Variants in TCTN1 observed in about 807,000 individuals in gnomAD.
TCTN1 encodes tectonic-1.
A neutral mutation model predicts 65.8 loss-of-function variants in TCTN1; 58 were observed. The observed-to-expected ratio is 0.88, with a 90% CI of 0.71 to 1.10. TCTN1 has a LOEUF of 1.10. Ranked by LOEUF, TCTN1 falls within the 50% of genes least tolerant of loss-of-function variation. TCTN1 has a pLI of 0.00. For missense variants in TCTN1, 645 were observed against 719.4 expected (o/e 0.90, Z 1.18); for synonymous variants, 273 against 289.1 (o/e 0.94, Z 0.57).
intron 5 of TCTN1, among the ~76,000 whole-genome samples, chr12:110,633,786 A>G (rs1030302395): frequency 6.6e-6 from 1 of 152,242 alleles, no homozygotes; most frequent in Admixed American, 6.5e-5. Context: ...GTCCACCTAC[A>G]TAGCTGGTGA....
chr12:110,628,052 C>T (rs2065972299), intron 3 of TCTN1: 1 of 1,535,710 alleles, frequency 6.5e-7, no homozygotes, highest in Admixed American at 2.0e-5. Context: ...CTGTACACAG[C>T]ACATTTTACT....
chr12:110,634,124 T>A (rs2066404042), intron 5 of TCTN1, among the ~76,000 whole-genome samples: 1 of 152,186 alleles, frequency 6.6e-6, no homozygotes, highest in Admixed American at 6.5e-5. Context: ...CAGAATAGTG[T>A]ATATATTGTA....
At chr12:110,618,613 G>A (rs894722090) in intron 1 of TCTN1, among the ~76,000 whole-genome samples, 4 of 151,936 alleles carry the variant, frequency 2.6e-5, no homozygotes, top group Non-Finnish European at 5.9e-5. Context: ...GACCTCAAGT[G>A]ATCTGCCCGC....
rs2067654246 is a variant in TCTN1, at chr12:110,649,086, A to G, written c.*45A>G. ...TTCCTTAATATACACGTGAAATTTGAAAACTGTACATTCGGTGAGATTAAA... is the reference window on the plus strand; with the variant it reads ...TTCCTTAATATACACGTGAAATTTGGAAACTGTACATTCGGTGAGATTAAA... On this transcript the variant is annotated 3_prime_UTR_variant, in exon 15 of 15. Transcript: ENST00000397659. 1.7e-6 allele frequency: 1 copy of G among 601,662 alleles called. No individual in the cohort carries two copies. Among genetic ancestry groups the G allele is most frequent in the Non-Finnish European group, 3.1e-6 (1 of 322,138 alleles). The allele number at this position is 601,662 out of a possible 1,614,324, so 37.3% of individuals were successfully genotyped here.
At chr12:110,634,546 A>G in intron 5 of TCTN1, 124 bp from the exon 6 acceptor site, 3 of 763,498 alleles carry the variant, frequency 3.9e-6, no homozygotes, top group Non-Finnish European at 6.5e-6. Context: ...ACAAAATTGT[A>G]TATCTGTGTT....
chr12:110,648,307 C>A (rs779792425), intron 14 of TCTN1, among the ~76,000 whole-genome samples: 1 of 152,174 alleles, frequency 6.6e-6, no homozygotes, highest in Non-Finnish European at 1.5e-5. Context: ...GCCTCCAAAC[C>A]AGCACACTGC....
Position 110,647,791 on chromosome 12 carries a change from G to A in TCTN1, c.1678G>A (p.Val560Ile). The change falls in exon 14 of 15, where the codon GTT becomes ATT. Residue 560 changes from valine (V) to isoleucine (I), a missense_variant. Val to Ile is a conservative substitution (Grantham distance 29). Coordinates refer to ENST00000397659, the MANE Select transcript of TCTN1 (RefSeq NM_001082538.3). ...AAGGACGATTCTTATTTCCACTGCG[G>A]TTACTTTTGTGGATGTGTCTGCACC... ...NERTILISTA[V>I]TFVDVSAPAE... The A allele has an allele frequency of 6.2e-7, 1 of 1,614,182 alleles. No homozygotes were observed. The highest frequency in any genetic ancestry group is 8.5e-7 in the Non-Finnish European group (1 of 1,180,042).
intron 7 of TCTN1, 112 bp downstream of exon 7, chr12:110,636,613 T>C (rs1342113702): frequency 1.1e-5 from 7 of 654,428 alleles, no homozygotes; most frequent in Non-Finnish European, 1.8e-5. Flanking sequence ...ACCTTGTTGC[T>C]AATAGCAAAT....
chr12:110,647,058 GT>G (rs2067369046), intron 12 of TCTN1, 137 bp from the exon 13 acceptor site: 1 of 1,041,572 alleles, frequency 9.6e-7, no homozygotes, highest in Non-Finnish European at 1.4e-6. Flanking sequence ...TCTCTAAGCT[GT>G]TTTTATCTGA....
At chr12:110,618,252 T>A (rs1351328575) in intron 1 of TCTN1, among the ~76,000 whole-genome samples, 2 of 151,974 alleles carry the variant, frequency 1.3e-5, no homozygotes, top group Non-Finnish European at 2.9e-5. Context: ...TTTTGAATTT[T>A]TTTTTTGAGA....
intron 7 of TCTN1, among the ~76,000 whole-genome samples, chr12:110,637,729 T>C (rs532276868): frequency 6.6e-5 from 10 of 152,286 alleles, no homozygotes; most frequent in Non-Finnish European, 1.5e-4. Context: ...TGCAATGGGC[T>C]AGCTCTCACC....
chr12:110,636,466 T>C lies in TCTN1; in HGVS notation c.823-15T>C. 7.3e-7 allele frequency: 1 copy of C among 1,369,548 alleles called. No individual in the cohort carries two copies. The highest frequency in any genetic ancestry group is 1.0e-6 in the Non-Finnish European group (1 of 969,124). 84.8% of individuals were successfully genotyped at this position (1,369,548 alleles called of 1,614,324 possible). The stretch of plus-strand genomic sequence containing the variant: ...TTGTACTTAACACAATTTTTTGTGG[T>C]TTCTTTTTATCTAGGTACCTGATTC... On this transcript the variant is annotated splice_polypyrimidine_tract_variant and intron_variant, in intron 6 of 14. Coordinates refer to ENST00000397659, the MANE Select transcript of TCTN1 (RefSeq NM_001082538.3).
chr12:110,635,743 G>A (rs2066527151), intron 6 of TCTN1: 1 of 152,386 alleles, frequency 6.6e-6, no homozygotes, highest in Non-Finnish European at 1.5e-5. Flanking sequence ...GGGTAGGGTG[G>A]TTCATGGCAC....
intron 2 of TCTN1, among the ~76,000 whole-genome samples, chr12:110,620,200 G>A (rs1016255784): frequency 2.6e-5 from 4 of 152,146 alleles, no homozygotes; most frequent in Non-Finnish European, 4.4e-5. Context: ...GAGGTCAGGA[G>A]ATTGGGACCA....
chr12:110,642,166 A>G, intron 10 of TCTN1, 83 bp from the exon 11 acceptor site: 1 of 1,572,924 alleles, frequency 6.4e-7, no homozygotes, highest in Non-Finnish European at 8.7e-7. Flanking sequence ...GGTCTCCCTC[A>G]TGTCACACAA....
intron 13 of TCTN1, 134 bp from the exon 14 acceptor site, chr12:110,647,615 C>T (rs1199702058): frequency 1.5e-6 from 2 of 1,360,428 alleles, no homozygotes; most frequent in East Asian, 4.6e-5. Flanking sequence ...AGTTAATGGC[C>T]AATTAGTGCT....
Position 110,641,016 on chromosome 12 carries a change from G to T in TCTN1, c.979-8G>T, listed in dbSNP as rs1182390950. 5 of 1,614,060 alleles carry T rather than the reference G, an allele frequency of 3.1e-6. No individual in the cohort carries two copies. In the South Asian group the frequency reaches 5.5e-5, roughly 18 times the overall value. On this transcript the variant is annotated splice_polypyrimidine_tract_variant and splice_region_variant and intron_variant, in intron 8 of 14. Coordinates refer to ENST00000397659, the MANE Select transcript of TCTN1 (RefSeq NM_001082538.3). ...ACAGGTATATTTGGAGTATCATTTT[G>T]TTTTTAGGTAAAGTACAGCCTCACA...
At position 110,649,165 on chromosome 12, in the gene TCTN1, TAA is replaced by T; in HGVS notation, c.*126_*127del. 1.5e-6 allele frequency: 1 copy of T among 682,724 alleles called. No individual in the cohort carries two copies. 42.3% of individuals were successfully genotyped at this position (682,724 alleles called of 1,614,324 possible). On this transcript the variant is annotated 3_prime_UTR_variant, in exon 15 of 15. Transcript: ENST00000397659. Reference sequence around the variant, plus strand: ...TTTGTTGCTCATTTTCAATTAAGGCTAAAGTGTTCAACATGAGAAAATGTGAT... The same window carrying T: ...TTTGTTGCTCATTTTCAATTAAGGCTAGTGTTCAACATGAGAAAATGTGAT...
At chr12:110,632,837 G>C (rs1169240766) in intron 5 of TCTN1, among the ~76,000 whole-genome samples, 2 of 152,086 alleles carry the variant, frequency 1.3e-5, no homozygotes, top group African/African-American at 4.8e-5. Flanking sequence ...AGCACTTGTA[G>C]TGATGGGGAA....
Sources: gnomAD v4.1 joint callset for allele counts (sites outside exome capture counted in the v4.1 genomes callset) on GRCh38, gnomAD v4.1.1 for gene constraint, MANE v1.5 for transcripts, NCBI Gene and HGNC (gene_info 2026-07-23, HGNC 2026-07-21) for gene names.